Variants in FNTA observed in about 807,000 individuals in gnomAD.
FNTA encodes protein farnesyltransferase/geranylgeranyltransferase type-1 subunit alpha.
FNTA carries 27 observed loss-of-function variants against 55.2 expected under a neutral mutation model. That is an observed-to-expected ratio of 0.49 (90% CI 0.36 to 0.67). The LOEUF (loss-of-function observed/expected upper bound fraction) is 0.67. Among genes scored for constraint, FNTA ranks in the 30% least tolerant of loss-of-function variants. The pLI is 0.00. For synonymous variants in FNTA, 176 were observed against 170.7 expected (o/e 1.03, Z -0.24); for missense variants, 422 against 464.7 (o/e 0.91, Z 0.85).
chr8:43,056,385 G>C lies in FNTA; in HGVS notation c.39G>C (p.Gly13=), dbSNP rs2130534868. 1 of 1,483,470 alleles carries C rather than the reference G, an allele frequency of 6.7e-7. No individual in the cohort carries two copies. Among genetic ancestry groups the C allele is most frequent in the Non-Finnish European group, 8.9e-7 (1 of 1,119,700 alleles). 91.9% of individuals were successfully genotyped at this position (1,483,470 alleles called of 1,614,324 possible). ...AGGGGGTCGGGGAGGCTGCGCAAGG[G>C]GGCGAGCCCGGGCAGCCGGCGCAAC... ...ATEGVGEAAQ[G]GEPGQPAQPP... Residue 13 remains glycine, a synonymous_variant, in exon 1 of 9, where the codon GGG becomes GGC. Coordinates refer to ENST00000302279, the MANE Select transcript of FNTA (RefSeq NM_002027.3).
chr8:43,064,883 C>G (rs1453793229), intron 3 of FNTA, among the ~76,000 whole-genome samples: 1 of 148,182 alleles, frequency 6.7e-6, no homozygotes, highest in African/African-American at 2.5e-5. Context: ...TTGTCACCAT[C>G]TGGAGTGCAG....
In FNTA at chr8:43,056,345, A is replaced by G; in HGVS notation, c.-2A>G. 7.1e-7 allele frequency: 1 copy of G among 1,413,378 alleles called. No homozygotes were observed. The highest frequency in any genetic ancestry group is 3.2e-5 in the Admixed American group (1 of 31,636). 87.6% of individuals were successfully genotyped at this position (1,413,378 alleles called of 1,614,324 possible). A position where few individuals can be genotyped will look rare whatever the true frequency, so the allele number is the denominator to read the frequency against. ...ACCACCTCAGCTGCGGACCGAGGCGAGATGGCGGCCACCGAGGGGGTCGGG... is the reference window on the plus strand; with the variant it reads ...ACCACCTCAGCTGCGGACCGAGGCGGGATGGCGGCCACCGAGGGGGTCGGG... On this transcript the variant is annotated 5_prime_UTR_variant, in exon 1 of 9. Transcript: ENST00000302279.
At chr8:43,080,837 G>A (rs895931351) in intron 6 of FNTA, 5 of 152,170 alleles carry the variant, frequency 3.3e-5, no homozygotes, top group African/African-American at 9.7e-5. Flanking sequence ...CGGTAACAAA[G>A]CATTTTAAAA....
At chr8:43,084,286 C>T (rs892585139) in intron 7 of FNTA, among the ~76,000 whole-genome samples, 9 of 141,746 alleles carry the variant, frequency 6.3e-5, no homozygotes, top group South Asian at 2.2e-4. Flanking sequence ...GTGGCATGAT[C>T]GTGGCCCACT....
intron 4 of FNTA, chr8:43,070,135 C>T (rs1810754191): frequency 5.4e-5 from 8 of 147,602 alleles, no homozygotes; most frequent in Admixed American, 5.3e-4. Flanking sequence ...GCCTGTAATC[C>T]CAGCTACTCA....
At chr8:43,068,409 T>TTGG (rs778247761) in intron 3 of FNTA, among the ~76,000 whole-genome samples, 1 of 152,234 alleles carries the variant, frequency 6.6e-6, no homozygotes, top group Non-Finnish European at 1.5e-5. Flanking sequence ...ATTCCTTTTG[T>TTGG]TGGTGGTGGT....
At chr8:43,065,354 T>C (rs1810630932) in intron 3 of FNTA, among the ~76,000 whole-genome samples, 2 of 151,826 alleles carry the variant, frequency 1.3e-5, no homozygotes, top group Admixed American at 6.6e-5. Context: ...TTCAAGTGAT[T>C]CTCCTGCCTC....
intron 6 of FNTA, chr8:43,078,941 A>T (rs1470344288): frequency 6.6e-6 from 1 of 152,364 alleles, no homozygotes; most frequent in Admixed American, 6.5e-5. Flanking sequence ...TGGCCTGGAT[A>T]AAAGATAAAA....
chr8:43,069,660 G>A lies in FNTA; in HGVS notation c.506+1G>A. Reference sequence around the variant, plus strand: ...AGCAGCCCAAAAACTATCAAGTTTGGTAAGTTTGGAGTCTAGCTGTGTCTC... The same window carrying A: ...AGCAGCCCAAAAACTATCAAGTTTGATAAGTTTGGAGTCTAGCTGTGTCTC... On this transcript the variant is annotated splice_donor_variant, in intron 4 of 8. Coordinates refer to ENST00000302279, the MANE Select transcript of FNTA (RefSeq NM_002027.3). LOFTEE classifies it high-confidence loss of function. 6.2e-7 allele frequency: 1 copy of A among 1,601,868 alleles called. No homozygotes were observed. Among genetic ancestry groups the A allele is most frequent in the Non-Finnish European group, 8.5e-7 (1 of 1,169,660 alleles).
At chr8:43,061,329 T>G (rs1405907450) in intron 2 of FNTA, among the ~76,000 whole-genome samples, 2 of 152,244 alleles carry the variant, frequency 1.3e-5, no homozygotes, top group Non-Finnish European at 2.9e-5. Context: ...GTTCAAATTC[T>G]AACTTCACAT....
chr8:43,063,255 A>AT (rs1216710486), intron 2 of FNTA: 2 of 455,596 alleles, frequency 4.4e-6, no homozygotes, highest in Admixed American at 4.7e-5. Context: ...TAATTTCTAT[A>AT]TTTTTTGTAG....
chr8:43,078,405 C>T lies in FNTA; in HGVS notation c.782+1041C>T, dbSNP rs535436146. 8.5e-4 allele frequency: 129 copies of T among 151,676 alleles called. 1 individual carries two copies. The highest frequency in any genetic ancestry group is 3.4e-3 in the Middle Eastern group (1 of 292). The allele number at this position is 151,676 out of a possible 1,614,324, so 9.4% of individuals were successfully genotyped here. A position where few individuals can be genotyped will look rare whatever the true frequency, so the allele number is the denominator to read the frequency against. ...TTGAGCAATCTTGAGTTGAGCATGTCTTCATTGCCATTCTTTCTAACAGCA... is the reference window on the plus strand; with the variant it reads ...TTGAGCAATCTTGAGTTGAGCATGTTTTCATTGCCATTCTTTCTAACAGCA... On this transcript the variant is annotated intron_variant, in intron 6 of 8. Coordinates refer to ENST00000302279, the MANE Select transcript of FNTA (RefSeq NM_002027.3).
At chr8:43,068,690 C>T (rs1810716476) in intron 3 of FNTA, among the ~76,000 whole-genome samples, 1 of 152,136 alleles carries the variant, frequency 6.6e-6, no homozygotes, top group East Asian at 1.9e-4. Context: ...TACTTTTCTT[C>T]TATCTCATAC....
chr8:43,072,337 GA>G, intron 5 of FNTA, 30 bp downstream of exon 5: 16 of 1,480,800 alleles, frequency 1.1e-5, no homozygotes, highest in Non-Finnish European at 1.4e-5. Context: ...GTGTTTTTCA[GA>G]TTTTTTTTTT....
chr8:43,060,703 T>C (rs1197097279), intron 2 of FNTA, among the ~76,000 whole-genome samples: 1 of 151,784 alleles, frequency 6.6e-6, no homozygotes, highest in Admixed American at 6.6e-5. Context: ...ATTAACTTTG[T>C]GAATTCTTAC....
chr8:43,082,963 T>A (rs1187687202), intron 6 of FNTA, 155 bp from the exon 7 acceptor site: 1 of 454,824 alleles, frequency 2.2e-6, no homozygotes, highest in South Asian at 2.5e-5. Context: ...GGAGTATGAC[T>A]TGAACCTGGG....
chr8:43,077,250 T>C lies in FNTA; in HGVS notation c.668T>C (p.Val223Ala), dbSNP rs1810932885. 4 of 1,611,998 alleles carry C rather than the reference T, an allele frequency of 2.5e-6. No homozygotes were observed. The highest frequency in any genetic ancestry group is 3.4e-6 in the Non-Finnish European group (4 of 1,178,660). ...FKLWDNELQY[V>A]DQLLKEDVRN... The stretch of plus-strand genomic sequence containing the variant: ...CTTTGGGATAATGAGCTGCAGTATG[T>C]GGACCAACTTCTGAAAGAGGATGTG... The change falls in exon 6 of 9, where the codon GTG (valine) becomes GCG (alanine). Residue 223 changes from valine to alanine, a missense_variant. Transcript: ENST00000302279.
At chr8:43,083,813 C>CT (rs1563331459) in intron 7 of FNTA, among the ~76,000 whole-genome samples, 2 of 152,320 alleles carry the variant, frequency 1.3e-5, no homozygotes, top group East Asian at 3.9e-4. Context: ...TAGCTCATGC[C>CT]TGCAATCCCA....
chr8:43,073,752 A>G (rs1212050299), intron 5 of FNTA: 1 of 152,128 alleles, frequency 6.6e-6, no homozygotes, highest in South Asian at 2.1e-4. Context: ...AACTTGGGGC[A>G]TGTTGCTATT....
Sources: gnomAD v4.1 joint callset for allele counts (sites outside exome capture counted in the v4.1 genomes callset) on GRCh38, gnomAD v4.1.1 for gene constraint, MANE v1.5 for transcripts, NCBI Gene and HGNC (gene_info 2026-07-23, HGNC 2026-07-21) for gene names.